Variants in MUC4 observed in about 807,000 individuals in gnomAD.
MUC4 encodes mucin 4, cell surface associated.
In MUC4, 202 loss-of-function variants were observed where a neutral mutation model predicts 257.9. The ratio of observed to expected loss-of-function variants is 0.78; its 90% CI spans 0.70 to 0.88. MUC4 has a LOEUF of 0.88. MUC4 is among the 40% of genes least tolerant of loss of function. The pLI is 0.00. For missense variants in MUC4, 5,976 were observed against 6,513.7 expected (o/e 0.92, Z 2.84); for synonymous variants, 2,351 against 2,757.1 (o/e 0.85, Z 4.62).
At position 195,761,131 on chromosome 3, in the gene MUC4, A is replaced by C. The variant is rs746725459; in HGVS notation, c.14615-14T>G. 1.7e-5 allele frequency: 27 copies of C among 1,603,488 alleles called. No individual in the cohort carries two copies. Among genetic ancestry groups the C allele is most frequent in the Non-Finnish European group, 2.2e-5 (26 of 1,170,442 alleles). On this transcript the variant is annotated splice_polypyrimidine_tract_variant and intron_variant, in intron 15 of 24. Transcript: ENST00000463781. ...CGTTGATCTGCCCTGTAACACACAGAGCGCGGTGGTACCAGGCATGGCACT... is the reference window on the plus strand; with the variant it reads ...CGTTGATCTGCCCTGTAACACACAGCGCGCGGTGGTACCAGGCATGGCACT...
In MUC4 at chr3:195,761,539, G is replaced by A; in HGVS notation, c.14559C>T (p.Gly4853=). The change falls in exon 15 of 25, where the codon GGC becomes GGT. Residue 4853 remains glycine (G), a synonymous_variant. Coordinates refer to ENST00000463781, the MANE Select transcript of MUC4 (RefSeq NM_018406.7). ...CAGGGCTCCCTGGGGGAATGGTGGA[G>A]CCATTGGGCATCCTGAAGTCGTCCT... ...NPEDDFRMPN[G]STIPPGSPEE... 1.2e-6 allele frequency: 2 copies of A among 1,614,174 alleles called. 1 individual carries two copies. Among genetic ancestry groups the A allele is most frequent in the Non-Finnish European group, 1.7e-6 (2 of 1,180,004 alleles).
intron 1 of MUC4, among the ~76,000 whole-genome samples, chr3:195,809,111 C>T (rs941873301): frequency 1.1e-4 from 16 of 152,178 alleles, no homozygotes; most frequent in Non-Finnish European, 1.9e-4. Context: ...CTGCCTGGGG[C>T]GACCAGTAGA....
chr3:195,799,582 G>A (rs1190050738), intron 1 of MUC4, among the ~76,000 whole-genome samples: 2 of 152,174 alleles, frequency 1.3e-5, no homozygotes, highest in Admixed American at 6.5e-5. Flanking sequence ...GATTACAGGC[G>A]TGAGCCACCG....
Position 195,753,128 on chromosome 3 carries a change from A to T in MUC4, c.15431T>A (p.Met5144Lys). The T allele has an allele frequency of 6.2e-7, 1 of 1,612,926 alleles. No homozygotes were observed. The highest frequency in any genetic ancestry group is 8.5e-7 in the Non-Finnish European group (1 of 1,179,592). ...AGTGAAGGCTGGGGGGCAGGTGCAC[A>T]TGGGCTGACAGCCCAGAGTCTGGGA... is the stretch of plus-strand genomic sequence containing the variant. ...YISQTLGCQP[M>K]CTCPPAFTDS... The change falls in exon 20 of 25, where the codon ATG (methionine) becomes AAG (lysine). Residue 5144 changes from methionine to lysine, a missense_variant. By Grantham distance (95) the Met-to-Lys change is moderately conservative (BLOSUM62 -1). Coordinates refer to ENST00000463781, the MANE Select transcript of MUC4 (RefSeq NM_018406.7).
chr3:195,776,290 C>A (rs1724690199), intron 3 of MUC4, among the ~76,000 whole-genome samples: 2 of 116,252 alleles, frequency 1.7e-5, no homozygotes, highest in African/African-American at 8.6e-5. Context: ...CCATACCTTC[C>A]ACACCCATAC....
chr3:195,808,466 A>G (rs1475959334), intron 1 of MUC4, among the ~76,000 whole-genome samples: 3 of 152,094 alleles, frequency 2.0e-5, no homozygotes, highest in Non-Finnish European at 2.9e-5. Context: ...TGGGCCTCCA[A>G]AAGTGCTGGG....
intron 23 of MUC4, chr3:195,750,030 C>T (rs1351414728): frequency 6.6e-6 from 1 of 152,274 alleles, no homozygotes; most frequent in Non-Finnish European, 1.5e-5. Flanking sequence ...GATTTCACCC[C>T]CTGCTCCGGG....
chr3:195,767,915 GCCACTGCCACCTCCACCGCCACTA>G (rs1721901307), intron 7 of MUC4, among the ~76,000 whole-genome samples: 1 of 110,848 alleles, frequency 9.0e-6, no homozygotes, highest in Non-Finnish European at 1.9e-5. Flanking sequence ...CATCACCATC[GCCACTGCCACCTCCACCGCCACTA>G]CCACCACCAC....
rs147578534 is a variant in MUC4, at chr3:195,763,503, C to T, written c.14183G>A (p.Gly4728Asp). 33 of 1,542,060 alleles carry T rather than the reference C, an allele frequency of 2.1e-5. No individual in the cohort carries two copies. The highest frequency in any genetic ancestry group is 2.7e-5 in the Non-Finnish European group (31 of 1,141,276). The change falls in exon 12 of 25, where the codon GGC becomes GAC. Residue 4728 changes from glycine to aspartate, a missense_variant. Physicochemically the swap from Gly to Asp is moderately conservative, Grantham distance 94 (BLOSUM62 -1). Around this residue, in one of 44 missense-constraint regions of MUC4, gnomAD observed 996 missense variants for 1,137.3 expected, o/e 0.88. Transcript: ENST00000463781. ...GATGAAGTTGGTGGCCTGGGCTGAGCCAGTCTGGGCGGTGCGGCCCTGAAG... is the reference window on the plus strand; with the variant it reads ...GATGAAGTTGGTGGCCTGGGCTGAGTCAGTCTGGGCGGTGCGGCCCTGAAG... Reference protein sequence around the residue: ...FLLQGRTAQTGSAQATNFIAF... With the variant: ...FLLQGRTAQTDSAQATNFIAF...
intron 1 of MUC4, among the ~76,000 whole-genome samples, chr3:195,807,085 C>T (rs576294788): frequency 6.6e-5 from 10 of 152,276 alleles, no homozygotes; most frequent in Non-Finnish European, 8.8e-5. Flanking sequence ...CAAGCAGGGC[C>T]GCCATTGCAA....
intron 7 of MUC4, among the ~76,000 whole-genome samples, chr3:195,767,915 G>GCCACCATCACCACCATCACCACCA (rs71180959): frequency 3.6e-5 from 4 of 110,848 alleles, no homozygotes; most frequent in Admixed American, 8.6e-5. Flanking sequence ...CATCACCATC[G>GCCACCATCACCACCATCACCACCA]CCACTGCCAC....
intron 1 of MUC4, among the ~76,000 whole-genome samples, chr3:195,800,616 C>G (rs930008916): frequency 1.3e-5 from 2 of 152,126 alleles, no homozygotes; most frequent in African/African-American, 4.8e-5. Context: ...TTTAGGAAAA[C>G]AATTTGCAGA....
rs910010758 is a variant in MUC4 at position 195,766,532 on chromosome 3, A to C, written c.13618+131T>G. 4 of 778,000 alleles carry C rather than the reference A, an allele frequency of 5.1e-6. No individual in the cohort carries two copies. In the African/African-American group the frequency reaches 6.9e-5, roughly 13 times the overall value. 48.2% of individuals were successfully genotyped at this position (778,000 alleles called of 1,614,324 possible). Reference sequence around the variant, plus strand: ...CCCACCTAGACCTGTAGGAGGTTGAACTGTGTGGGGGAGGCCCTTCAGGAT... The same window carrying C: ...CCCACCTAGACCTGTAGGAGGTTGACCTGTGTGGGGGAGGCCCTTCAGGAT... On this transcript the variant is annotated intron_variant, in intron 8 of 24. Coordinates refer to ENST00000463781, the MANE Select transcript of MUC4 (RefSeq NM_018406.7).
Position 195,781,417 on chromosome 3 carries a change from C to T in MUC4, c.10163G>A (p.Gly3388Asp). 20 of 1,529,452 alleles carry T rather than the reference C, an allele frequency of 1.3e-5. 2 individuals are homozygous for T. Among genetic ancestry groups the T allele is most frequent in the Non-Finnish European group, 1.8e-5 (20 of 1,134,116 alleles). The allele number at this position is 1,529,452 out of a possible 1,614,324, so 94.7% of individuals were successfully genotyped here. ...GGTGACAGGAAGAGGGGTGGCCTGA[C>T]CTGTGGATGCCGAGGAAATGTCGGT... ...PVTDISSASTGQATPLPVTNT... is the reference protein window; with the variant it reads ...PVTDISSASTDQATPLPVTNT... The change falls in exon 2 of 25, where the codon GGT becomes GAT. Residue 3388 changes from glycine (G) to aspartate (D), a missense_variant. Around this residue, in one of 44 missense-constraint regions of MUC4, gnomAD observed 297 missense variants for 240.9 expected, o/e 1.23. Transcript: ENST00000463781.
intron 3 of MUC4, among the ~76,000 whole-genome samples, chr3:195,775,933 A>ATACCTTCCACG (rs1724538774): frequency 2.0e-5 from 1 of 50,868 alleles, no homozygotes; most frequent in Non-Finnish European, 3.5e-5. Flanking sequence ...TACCTTCCAC[A>ATACCTTCCACG]GTCATACCTT....
rs761181841 is a variant in MUC4 at position 195,784,799 on chromosome 3, C to A, written c.6781G>T (p.Asp2261Tyr). Reference protein sequence around the residue: ...TGDTTPLPVTDASSVSTGHAT... With the variant: ...TGDTTPLPVTYASSVSTGHAT... ...TGACCTGTGGACACTGAGGAAGCGT[C>A]GGTGACAGGAAGAGGGGTGGTGTCA... Residue 2261 changes from aspartate to tyrosine, a missense_variant, in exon 2 of 25, where the codon GAC becomes TAC. By Grantham distance (160) the Asp-to-Tyr change is radical. Transcript: ENST00000463781. 1.2e-5 allele frequency: 17 copies of A among 1,414,874 alleles called. No individual in the cohort carries two copies. In the South Asian group the frequency reaches 1.9e-4, roughly 16 times the overall value. The allele number at this position is 1,414,874 out of a possible 1,614,324, so 87.6% of individuals were successfully genotyped here.
Position 195,780,304 on chromosome 3 carries a change from GT to G in MUC4, c.11275del (p.Thr3759ProfsTer500). On this transcript the variant is annotated frameshift_variant, in exon 2 of 25. Coordinates refer to ENST00000463781, the MANE Select transcript of MUC4 (RefSeq NM_018406.7). LOFTEE classifies it high-confidence loss of function. ...GGAAGCGTCGGTGACAAGAAGAGGG[GT>G]GGCGTGACCTGTGGATGCTGAGGAA... is the stretch of plus-strand genomic sequence containing the variant. ...STSSASTGHA[T>X]PLLVTDASSV... 2.0e-6 allele frequency: 3 copies of G among 1,530,078 alleles called. No homozygotes were observed. The allele number at this position is 1,530,078 out of a possible 1,614,324, so 94.8% of individuals were successfully genotyped here. A position where few individuals can be genotyped will look rare whatever the true frequency, so the allele number is the denominator to read the frequency against.
Position 195,780,574 on chromosome 3 carries a change from TCGG to T in MUC4, c.11003_11005del (p.Thr3668_Asp3669delinsAsn), listed in dbSNP as rs1560311742. On this transcript the variant is annotated inframe_deletion, in exon 2 of 25. Transcript: ENST00000463781. Reference sequence around the variant, plus strand: ...GTCACCTGTGGATGCTGAGGAAGTGTCGGTGACAGGAAGAGGGGTGGCGTGACC... The same window carrying T: ...GTCACCTGTGGATGCTGAGGAAGTGTTGACAGGAAGAGGGGTGGCGTGACC... 4 of 549,360 alleles carry T rather than the reference TCGG, an allele frequency of 7.3e-6. No homozygotes were observed. Among genetic ancestry groups the T allele is most frequent in the African/African-American group, 1.0e-4 (1 of 9,760 alleles). The allele number at this position is 549,360 out of a possible 1,614,324, so 34.0% of individuals were successfully genotyped here. A position where few individuals can be genotyped will look rare whatever the true frequency, so the allele number is the denominator to read the frequency against.
rs1289281222 is a variant in MUC4, at chr3:195,789,786, A to G, written c.1794T>C (p.Ser598=). The G allele has an allele frequency of 2.5e-6, 4 of 1,613,792 alleles. No individual in the cohort carries two copies. The highest frequency in any genetic ancestry group is 4.5e-5 in the East Asian group (2 of 44,896). ...QMIKTATSPS[S]SPMLDRHTSQ... ...ATGTGTGTCTATCCAGCATAGGTGA[A>G]GAAGATGGGGATGTGGCCGTTTTTA... Residue 598 remains serine, a synonymous_variant, in exon 2 of 25, where the codon TCT becomes TCC. Transcript: ENST00000463781.
Sources: allele counts gnomAD v4.1 joint callset (sites outside exome capture counted in the v4.1 genomes callset), GRCh38; gene constraint gnomAD v4.1.1; regional missense constraint gnomAD v4.1.1; transcripts MANE v1.5; gene names NCBI Gene and HGNC (gene_info 2026-07-23, HGNC 2026-07-21).